LRMDA: variants seen among roughly 807,000 people sequenced by gnomAD.
LRMDA encodes leucine-rich melanocyte differentiation-associated protein.
A neutral mutation model predicts 29.8 loss-of-function variants in LRMDA; 18 were observed. That is an observed-to-expected ratio of 0.60 (90% CI 0.42 to 0.90). The LOEUF (loss-of-function observed/expected upper bound fraction) is 0.90, where lower values mean the gene tolerates loss of function less well. LRMDA is among the 40% of genes least tolerant of loss of function. The probability of loss-of-function intolerance (pLI) is 0.00; values close to 1 mark genes in which losing one functional copy is unlikely to be tolerated. For missense variants in LRMDA, 273 were observed against 273.9 expected (o/e 1.00, Z 0.02); for synonymous variants, 125 against 109.4 (o/e 1.14, Z -0.89).
At chr10:75,565,670 T>C (rs1176743367) in intron 2 of LRMDA, among the ~76,000 whole-genome samples, 2 of 152,214 alleles carry the variant, frequency 1.3e-5, no homozygotes, top group African/African-American at 4.8e-5. Flanking sequence ...TACTAGCCAA[T>C]AAATAAAGTC....
intron 5 of LRMDA, among the ~76,000 whole-genome samples, chr10:76,181,950 A>G (rs1254795494): frequency 2.6e-5 from 4 of 152,218 alleles, no homozygotes; most frequent in African/African-American, 9.6e-5. Context: ...TTAACTTTCT[A>G]TTCAGCACCT....
chr10:76,552,187 A>T (rs977410298), intron 6 of LRMDA, among the ~76,000 whole-genome samples: 5 of 152,254 alleles, frequency 3.3e-5, no homozygotes, highest in African/African-American at 1.2e-4. Context: ...GTATTTTTAT[A>T]TGCAGATTGT....
intron 2 of LRMDA, among the ~76,000 whole-genome samples, chr10:75,779,701 G>C (rs1564565923): frequency 1.3e-5 from 2 of 152,162 alleles, no homozygotes. Context: ...TGTTGAGGGA[G>C]CCTGGCTTCT....
At chr10:76,294,858 T>C (rs1840392836) in intron 5 of LRMDA, among the ~76,000 whole-genome samples, 1 of 152,212 alleles carries the variant, frequency 6.6e-6, no homozygotes, top group South Asian at 2.1e-4. Context: ...TGGGAAGGTA[T>C]TGCCAACTTG....
chr10:75,722,807 G>T (rs2132189232), intron 2 of LRMDA, among the ~76,000 whole-genome samples: 1 of 152,342 alleles, frequency 6.6e-6, no homozygotes, highest in South Asian at 2.1e-4. Context: ...TGGCTGTGGT[G>T]ACATAGGTGA....
intron 2 of LRMDA, chr10:75,642,455 G>T (rs1841465396): frequency 6.6e-6 from 1 of 152,178 alleles, no homozygotes; most frequent in South Asian, 2.1e-4. Flanking sequence ...TTTATACTTG[G>T]GAACAAATCA....
chr10:76,093,303 G>A (rs891825080), intron 5 of LRMDA, among the ~76,000 whole-genome samples: 1 of 151,182 alleles, frequency 6.6e-6, no homozygotes, highest in African/African-American at 2.4e-5. Context: ...GGGATTACAG[G>A]TGCAAGCCAC....
intron 2 of LRMDA, among the ~76,000 whole-genome samples, chr10:75,439,418 C>G (rs1001182149): frequency 6.6e-6 from 1 of 152,164 alleles, no homozygotes; most frequent in African/African-American, 2.4e-5. Context: ...TGCTTCTAGG[C>G]CTTGGAGTCT....
At chr10:76,001,890 G>T (rs186286286) in intron 2 of LRMDA, among the ~76,000 whole-genome samples, 1 of 152,118 alleles carries the variant, frequency 6.6e-6, no homozygotes, top group Middle Eastern at 3.2e-3. Flanking sequence ...AAATGGGCTT[G>T]TTGGAAAACC....
chr10:76,497,191 C>CT lies in LRMDA; in HGVS notation c.602-60010dup, dbSNP rs774542680. 4.0e-5 allele frequency among the ~76,000 whole-genome samples: 3 copies of CT among 75,122 alleles called. 1 individual carries two copies. Among genetic ancestry groups the CT allele is most frequent in the East Asian group, 5.0e-4 (2 of 3,968 alleles). The allele number at this position is 75,122 out of a possible 152,430, so 49.3% of individuals were successfully genotyped here. A position where few individuals can be genotyped will look rare whatever the true frequency, so the allele number is the denominator to read the frequency against. On this transcript the variant is annotated intron_variant, in intron 6 of 6. Coordinates refer to ENST00000611255, the MANE Select transcript of LRMDA (RefSeq NM_001305581.2). ...GGAGATGTGCTTCCATGGCTTTCAT[C>CT]TTTTTTTTCCCCTCTTTTAAAAGAT... is the stretch of plus-strand genomic sequence containing the variant.
In LRMDA at chr10:75,678,893, G is replaced by A. The variant is rs566444464; in HGVS notation, c.131+240399G>A. On this transcript the variant is annotated intron_variant, in intron 2 of 6. Transcript: ENST00000611255. ...ACCAAGGACTCGAAGGATGTGGGGA[G>A]TGGATCTGGGGTTTTACTGGAAATT... Among the ~76,000 whole-genome samples the A allele has an allele frequency of 1.4e-4, 22 of 152,308 alleles. No individual in the cohort carries two copies. In the South Asian group the frequency reaches 4.1e-3, roughly 29 times the overall value.
intron 6 of LRMDA, among the ~76,000 whole-genome samples, chr10:76,478,719 A>C (rs1842704958): frequency 6.6e-6 from 1 of 152,128 alleles, no homozygotes; most frequent in South Asian, 2.1e-4. Context: ...ATGCAGCCAT[A>C]AAAAATGATG....
At chr10:75,605,001 G>C (rs1840937855) in intron 2 of LRMDA, among the ~76,000 whole-genome samples, 1 of 152,166 alleles carries the variant, frequency 6.6e-6, no homozygotes, top group Non-Finnish European at 1.5e-5. Flanking sequence ...GTTTTGTTTA[G>C]AGATTTGTCT....
At chr10:76,511,632 A>G (rs1589220308) in intron 6 of LRMDA, among the ~76,000 whole-genome samples, 1 of 151,396 alleles carries the variant, frequency 6.6e-6, no homozygotes, top group South Asian at 2.1e-4. Context: ...TTCATTCACA[A>G]TAGTATATAA....
intron 2 of LRMDA, among the ~76,000 whole-genome samples, chr10:75,735,927 C>T (rs541364995): frequency 6.6e-6 from 1 of 152,206 alleles, no homozygotes; most frequent in African/African-American, 2.4e-5. Context: ...CGGTAAGATG[C>T]CTACACTTTA....
chr10:76,262,624 A>T (rs917087027), intron 5 of LRMDA, among the ~76,000 whole-genome samples: 10 of 152,338 alleles, frequency 6.6e-5, no homozygotes, highest in Admixed American at 2.0e-4. Flanking sequence ...GTTATTCAAC[A>T]TCTTTCCTCT....
intron 2 of LRMDA, among the ~76,000 whole-genome samples, chr10:75,535,462 G>A (rs963346481): frequency 7.2e-5 from 11 of 152,032 alleles, no homozygotes; most frequent in African/African-American, 2.4e-4. Context: ...TGTTATTCAA[G>A]CCATGAATCC....
intron 2 of LRMDA, among the ~76,000 whole-genome samples, chr10:75,727,960 A>G (rs1332678864): frequency 6.6e-6 from 1 of 152,118 alleles, no homozygotes; most frequent in East Asian, 1.9e-4. Flanking sequence ...TTTCCCCTTA[A>G]TAAAGGGAAA....
intron 2 of LRMDA, among the ~76,000 whole-genome samples, chr10:75,637,585 G>A (rs1841403805): frequency 6.6e-6 from 1 of 152,192 alleles, no homozygotes; most frequent in Admixed American, 6.5e-5. Context: ...TTCTCGGAAA[G>A]CTGCACCAAG....
Sources: allele counts gnomAD v4.1 joint callset (sites outside exome capture counted in the v4.1 genomes callset), GRCh38; gene constraint gnomAD v4.1.1; transcripts MANE v1.5; gene names NCBI Gene and HGNC (gene_info 2026-07-23, HGNC 2026-07-21).